HEXA: variants seen among roughly 807,000 people sequenced by gnomAD.
HEXA encodes hexosaminidase subunit alpha.
In HEXA, 54 loss-of-function variants were observed where a neutral mutation model predicts 73.3. The observed-to-expected ratio is 0.74, with a 90% CI of 0.59 to 0.92. The LOEUF (loss-of-function observed/expected upper bound fraction) is 0.92, where lower values mean the gene tolerates loss of function less well. HEXA is among the 40% of genes least tolerant of loss of function. The pLI is 0.00. For missense variants in HEXA, 649 were observed against 653.0 expected (o/e 0.99, Z 0.07); for synonymous variants, 230 against 246.9 (o/e 0.93, Z 0.64).
chr15:72,344,167 A>G (rs774091540), intron 13 of HEXA, 27 bp from the exon 14 acceptor site: 1 of 1,603,990 alleles, frequency 6.2e-7, no homozygotes, highest in Non-Finnish European at 8.5e-7. Flanking sequence ...AGAAATGGCA[A>G]GATAAGCCCC....
chr15:72,355,693 T>G lies in HEXA; in HGVS notation c.347-69A>C, dbSNP rs10220917. 0.021 allele frequency: 22,366 copies of G among 1,050,834 alleles called. 1,930 individuals carry two copies. The African/African-American group carries it at 0.22, about 10-fold the overall frequency. The allele number at this position is 1,050,834 out of a possible 1,614,324, so 65.1% of individuals were successfully genotyped here. On this transcript the variant is annotated intron_variant, in intron 2 of 13. Coordinates refer to ENST00000268097, the MANE Select transcript of HEXA (RefSeq NM_000520.6). Reference sequence around the variant, plus strand: ...TATTCTCAGATTATAGACCAGATATTCTATATAAATCACTGGACTAAAAAA... The same window carrying G: ...TATTCTCAGATTATAGACCAGATATGCTATATAAATCACTGGACTAAAAAA...
At position 72,346,321 on chromosome 15, in the gene HEXA, G is replaced by C. The variant is rs1365983427; in HGVS notation, c.1335C>G (p.Thr445=). The change falls in exon 12 of 14, where the codon ACC becomes ACG. Residue 445 remains threonine, a synonymous_variant. Coordinates refer to ENST00000268097, the MANE Select transcript of HEXA (RefSeq NM_000520.6). ...YIVEPLAFEG[T]PEQKALVIGG... is the part of the protein sequence containing the mutation. ...CAATCACCAGAGCCTTCTGCTCAGGGGTACCTGAGGGAAAACAAGCAACAA... is the reference window on the plus strand; with the variant it reads ...CAATCACCAGAGCCTTCTGCTCAGGCGTACCTGAGGGAAAACAAGCAACAA... The C allele has an allele frequency of 6.2e-7, 1 of 1,611,952 alleles. No individual in the cohort carries two copies. Among genetic ancestry groups the C allele is most frequent in the Admixed American group, 1.7e-5 (1 of 59,974 alleles).
intron 5 of HEXA, chr15:72,351,447 G>C (rs1292536095): frequency 1.6e-6 from 1 of 615,976 alleles, no homozygotes; most frequent in Non-Finnish European, 2.9e-6. Context: ...ACTTTTCCCA[G>C]AACACATCCA....
intron 13 of HEXA, among the ~76,000 whole-genome samples, chr15:72,344,829 CTA>C (rs1454350904): frequency 6.6e-6 from 1 of 152,202 alleles, no homozygotes; most frequent in Non-Finnish European, 1.5e-5. Context: ...AGGGAAATGA[CTA>C]TCTTACACAG....
At chr15:72,366,034 T>C (rs1166780127) in intron 1 of HEXA, among the ~76,000 whole-genome samples, 4 of 152,156 alleles carry the variant, frequency 2.6e-5, no homozygotes, top group Non-Finnish European at 5.9e-5. Context: ...TCTTGTTGTG[T>C]AGTTACTTAA....
At chr15:72,373,968 A>G (rs561699307) in intron 1 of HEXA, among the ~76,000 whole-genome samples, 1 of 151,046 alleles carries the variant, frequency 6.6e-6, no homozygotes, top group South Asian at 2.1e-4. Context: ...CACTGCACTC[A>G]GCCTCAGTGT....
At chr15:72,357,476 G>A (rs147106642) in intron 1 of HEXA, 1 of 152,302 alleles carries the variant, frequency 6.6e-6, no homozygotes, top group Non-Finnish European at 1.5e-5. Context: ...GCCAAAATAT[G>A]AATACACTGT....
In HEXA at chr15:72,343,836, T is replaced by C; in HGVS notation, c.*241A>G. 2.1e-6 allele frequency: 1 copy of C among 469,244 alleles called. No homozygotes were observed. Among genetic ancestry groups the C allele is most frequent in the Non-Finnish European group, 3.9e-6 (1 of 254,078 alleles). 29.1% of individuals were successfully genotyped at this position (469,244 alleles called of 1,614,324 possible). On this transcript the variant is annotated 3_prime_UTR_variant, in exon 14 of 14. Transcript: ENST00000268097. ...CACTGACTCCAGCCTGGCTGTGCCCTTACCCTAACGCCATTCACACTTTTT... is the reference window on the plus strand; with the variant it reads ...CACTGACTCCAGCCTGGCTGTGCCCCTACCCTAACGCCATTCACACTTTTT...
chr15:72,347,726 C>T lies in HEXA; in HGVS notation c.1106G>A (p.Gly369Asp). 1 of 1,614,198 alleles carries T rather than the reference C, an allele frequency of 6.2e-7. No individual in the cohort carries two copies. The highest frequency in any genetic ancestry group is 8.5e-7 in the Non-Finnish European group (1 of 1,180,030). ...AAACACCTCCTGCCACACCACATAG[C>T]CCTTGCCATAAGAAGAGACGATGTC... ...LLDIVSSYGK[G>D]YVVWQEVFDN... is the part of the protein sequence containing the mutation. Residue 369 changes from glycine (G) to aspartate (D), a missense_variant, in exon 10 of 14, where the codon GGC becomes GAC. Physicochemically the swap from Gly to Asp is moderately conservative, Grantham distance 94. Coordinates refer to ENST00000268097, the MANE Select transcript of HEXA (RefSeq NM_000520.6).
At chr15:72,350,722 C>G in intron 6 of HEXA, 72 bp from the exon 7 acceptor site, 1 of 1,566,564 alleles carries the variant, frequency 6.4e-7, no homozygotes, top group African/African-American at 1.3e-5. Flanking sequence ...CTCAAAATGC[C>G]CACAAGACTC....
At position 72,346,221 on chromosome 15, in the gene HEXA, C is replaced by G. The variant is rs201497629; in HGVS notation, c.1421+14G>C. The G allele has an allele frequency of 4.1e-4, 657 of 1,607,734 alleles. No individual in the cohort carries two copies. The highest frequency in any genetic ancestry group is 5.0e-4 in the Admixed American group (30 of 59,868). On this transcript the variant is annotated intron_variant, in intron 12 of 13. Coordinates refer to ENST00000268097, the MANE Select transcript of HEXA (RefSeq NM_000520.6). Reference sequence around the variant, plus strand: ...TCAGGCCCAACCCTCCACCTCCCCCCCGAAAACCCTTACCAGAGCCTGGGG... The same window carrying G: ...TCAGGCCCAACCCTCCACCTCCCCCGCGAAAACCCTTACCAGAGCCTGGGG...
chr15:72,344,145 A>G lies in HEXA; in HGVS notation c.1527-5T>C, dbSNP rs1485440771. The G allele has an allele frequency of 6.2e-7, 1 of 1,613,348 alleles. No individual in the cohort carries two copies. Among genetic ancestry groups the G allele is most frequent in the South Asian group, 1.1e-5 (1 of 91,064 alleles). On this transcript the variant is annotated splice_region_variant and splice_polypyrimidine_tract_variant and intron_variant, in intron 13 of 13. Coordinates refer to ENST00000268097, the MANE Select transcript of HEXA (RefSeq NM_000520.6). The stretch of plus-strand genomic sequence containing the variant: ...GGTTGGGCCTGGACACCTCGCCTGC[A>G]AGAGGACATGAAGAAATGGCAAGAT...
At chr15:72,375,547 TC>T (rs747937267) in intron 1 of HEXA, among the ~76,000 whole-genome samples, 172 bp downstream of exon 1, 58 of 152,192 alleles carry the variant, frequency 3.8e-4, no homozygotes, top group Admixed American at 8.5e-4. Flanking sequence ...TGAACCGTAG[TC>T]CTATAGTAGT....
chr15:72,363,835 A>T (rs193297306), intron 1 of HEXA, among the ~76,000 whole-genome samples: 1 of 152,106 alleles, frequency 6.6e-6, no homozygotes, highest in East Asian at 1.9e-4. Context: ...GTCCCTCCCA[A>T]CCCTATCCCC....
Position 72,349,101 on chromosome 15 carries a change from C to A in HEXA, c.964G>T (p.Asp322Tyr), listed in dbSNP as rs772180415. 6 of 1,614,050 alleles carry A rather than the reference C, an allele frequency of 3.7e-6. No individual in the cohort carries two copies. In the South Asian group the frequency reaches 6.6e-5, roughly 18 times the overall value. The part of the protein sequence containing the change: ...FPDFYLHLGG[D>Y]EVDFTCWKSN... Reference sequence around the variant, plus strand: ...TACCAGCAGGTGAAATCAACCTCATCTCCTCCAAGATGAAGATAAAAATCT... The same window carrying A: ...TACCAGCAGGTGAAATCAACCTCATATCCTCCAAGATGAAGATAAAAATCT... The change falls in exon 8 of 14, where the codon GAT (aspartate) becomes TAT (tyrosine). Residue 322 changes from aspartate to tyrosine, a missense_variant. Coordinates refer to ENST00000268097, the MANE Select transcript of HEXA (RefSeq NM_000520.6).
chr15:72,349,832 T>C (rs556716383), intron 7 of HEXA, among the ~76,000 whole-genome samples: 11 of 152,102 alleles, frequency 7.2e-5, no homozygotes, highest in Non-Finnish European at 1.5e-4. Flanking sequence ...GGCATGATCT[T>C]GGCTCACTGC....
chr15:72,369,592 C>T (rs958016563), intron 1 of HEXA, among the ~76,000 whole-genome samples: 2 of 152,146 alleles, frequency 1.3e-5, no homozygotes, highest in Admixed American at 1.3e-4. Context: ...GGCTGGAGTG[C>T]AATGACACGA....
At chr15:72,366,369 C>T (rs1197561044) in intron 1 of HEXA, among the ~76,000 whole-genome samples, 1 of 151,054 alleles carries the variant, frequency 6.6e-6, no homozygotes, top group Non-Finnish European at 1.5e-5. Context: ...GGTGCAGTGG[C>T]GCGATCTCAG....
chr15:72,367,615 T>C (rs879724132), intron 1 of HEXA, among the ~76,000 whole-genome samples: 1 of 152,222 alleles, frequency 6.6e-6, no homozygotes, highest in Non-Finnish European at 1.5e-5. Context: ...CTGGCCTTCT[T>C]TGACCTTAGG....
Sources: gnomAD v4.1 joint callset for allele counts (sites outside exome capture counted in the v4.1 genomes callset) on GRCh38, gnomAD v4.1.1 for gene constraint, MANE v1.5 for transcripts, NCBI Gene and HGNC (gene_info 2026-07-23, HGNC 2026-07-21) for gene names.